G3BP1: variants seen among roughly 807,000 people sequenced by gnomAD.
G3BP1 encodes the protein G3BP stress granule assembly factor 1, also known as ras GTPase-activating protein-binding protein 1.
G3BP1 carries 35 observed loss-of-function variants against 58.6 expected under a neutral mutation model. The observed-to-expected ratio is 0.60, with a 90% confidence interval of 0.46 to 0.79. The LOEUF (loss-of-function observed/expected upper bound fraction) is 0.79. G3BP1 is among the 30% of genes least tolerant of loss of function. The pLI is 0.00. For synonymous variants in G3BP1, 191 were observed against 195.4 expected (o/e 0.98, Z 0.19); for missense variants, 523 against 580.8 (o/e 0.90, Z 1.02).
chr5:151,783,963 A>G (rs1454260425), intron 1 of G3BP1, among the ~76,000 whole-genome samples: 2 of 152,186 alleles, frequency 1.3e-5, no homozygotes, highest in South Asian at 2.1e-4. Context: ...GGGCTTCACC[A>G]TGTTGGCCAG....
chr5:151,802,328 G>A (rs1762869139), intron 11 of G3BP1, among the ~76,000 whole-genome samples: 1 of 152,218 alleles, frequency 6.6e-6, no homozygotes, highest in Admixed American at 6.5e-5. Context: ...CATTCAGCAT[G>A]TATTAGGCCT....
At chr5:151,788,596 G>GTGTA (rs1762593882) in intron 2 of G3BP1, among the ~76,000 whole-genome samples, 1 of 150,066 alleles carries the variant, frequency 6.7e-6, no homozygotes, top group Admixed American at 6.7e-5. Context: ...GTGTGTGTGT[G>GTGTA]TGTGTGTGTG....
At position 151,786,680 on chromosome 5, in the gene G3BP1, C is replaced by T. The variant is rs1407716007; in HGVS notation, c.60C>T (p.Tyr20=). Residue 20 remains tyrosine, a synonymous_variant, in exon 2 of 12, where the codon TAC becomes TAT. Coordinates refer to ENST00000356245, the MANE Select transcript of G3BP1 (RefSeq NM_005754.3). ...LVGREFVRQY[Y]TLLNQAPDML... ...GGCGGGAATTTGTGAGACAGTATTACACACTGCTGAACCAGGCCCCAGACA... is the reference window on the plus strand; with the variant it reads ...GGCGGGAATTTGTGAGACAGTATTATACACTGCTGAACCAGGCCCCAGACA... The T allele has an allele frequency of 6.2e-7, 1 of 1,612,614 alleles. No homozygotes were observed. The highest frequency in any genetic ancestry group is 1.1e-5 in the South Asian group (1 of 91,060).
At chr5:151,775,341 AT>A (rs1366848344) in intron 1 of G3BP1, among the ~76,000 whole-genome samples, 1 of 152,224 alleles carries the variant, frequency 6.6e-6, no homozygotes, top group African/African-American at 2.4e-5. Context: ...ATCATTATGT[AT>A]TTGTGTAACC....
chr5:151,778,881 C>G (rs931229390), intron 1 of G3BP1, among the ~76,000 whole-genome samples: 1 of 151,672 alleles, frequency 6.6e-6, no homozygotes, highest in African/African-American at 2.4e-5. Flanking sequence ...ACATGGTGAA[C>G]CCTCATCTCT....
chr5:151,780,025 T>G (rs1312019567), intron 1 of G3BP1, among the ~76,000 whole-genome samples: 1 of 152,246 alleles, frequency 6.6e-6, no homozygotes, highest in Non-Finnish European at 1.5e-5. Flanking sequence ...AGTGCAAAAT[T>G]GTTCTCCACT....
intron 4 of G3BP1, chr5:151,791,393 A>G (rs887807500): frequency 3.3e-5 from 6 of 181,986 alleles, no homozygotes; most frequent in Non-Finnish European, 4.7e-5. Context: ...ATGTCTTAAC[A>G]GTAATTTTTT....
Position 151,811,592 on chromosome 5 carries a change from A to G in G3BP1, c.*7501A>G, listed in dbSNP as rs1340183488. ...ATACTTTTATATACATGTTTCACAG[A>G]AATTTTACATTCCATCTTCAAACTG... On this transcript the variant is annotated 3_prime_UTR_variant, in exon 12 of 12. Transcript: ENST00000356245. The G allele has an allele frequency of 6.6e-6, 1 of 152,166 alleles. No homozygotes were observed. The highest frequency in any genetic ancestry group is 2.4e-5 in the African/African-American group (1 of 41,440). The allele number at this position is 152,166 out of a possible 1,614,324, so 9.4% of individuals were successfully genotyped here.
chr5:151,776,309 G>C (rs1250133242), intron 1 of G3BP1, among the ~76,000 whole-genome samples: 2 of 152,156 alleles, frequency 1.3e-5, no homozygotes, highest in Non-Finnish European at 2.9e-5. Context: ...GGTGGTATCT[G>C]TCAGGTTAGT....
At chr5:151,780,081 CT>C (rs1374682959) in intron 1 of G3BP1, among the ~76,000 whole-genome samples, 1 of 151,960 alleles carries the variant, frequency 6.6e-6, no homozygotes, top group Non-Finnish European at 1.5e-5. Flanking sequence ...CCTGTAGGCT[CT>C]TTTTTTTACT....
At position 151,771,983 on chromosome 5, in the gene G3BP1, A is replaced by G. The variant is rs2915874; in HGVS notation, c.-103A>G. ...GGACGCAGTTGCGTGAGGGGTTTGT[A>G]CTATCCTCGGTGCTGTGGTGCAGAG... On this transcript the variant is annotated 5_prime_UTR_variant, in exon 1 of 12. Coordinates refer to ENST00000356245, the MANE Select transcript of G3BP1 (RefSeq NM_005754.3). The G allele has an allele frequency of 0.41, 63,154 of 152,396 alleles. 13,216 individuals are homozygous for G. Among genetic ancestry groups the G allele is most frequent in the South Asian group, 0.47 (2,257 of 4,824 alleles). The allele number at this position is 152,396 out of a possible 1,614,324, so 9.4% of individuals were successfully genotyped here.
intron 7 of G3BP1, among the ~76,000 whole-genome samples, chr5:151,797,827 T>G (rs941990072): frequency 6.6e-6 from 1 of 152,258 alleles, no homozygotes; most frequent in Non-Finnish European, 1.5e-5. Context: ...CTATGAAATT[T>G]TATTGAAGAT....
chr5:151,790,715 C>T (rs1033483295), intron 3 of G3BP1, among the ~76,000 whole-genome samples, 174 bp from the exon 4 acceptor site: 2 of 152,056 alleles, frequency 1.3e-5, no homozygotes, highest in East Asian at 1.9e-4. Flanking sequence ...AAAACTCAAG[C>T]GCGGTCACTG....
At chr5:151,786,354 T>C (rs1449290428) in intron 1 of G3BP1, among the ~76,000 whole-genome samples, 1 of 152,214 alleles carries the variant, frequency 6.6e-6, no homozygotes, top group Non-Finnish European at 1.5e-5. Context: ...TTCTTACGTC[T>C]TGAATATTGG....
intron 2 of G3BP1, chr5:151,787,429 A>C (rs1762571262): frequency 6.6e-6 from 1 of 152,238 alleles, no homozygotes; most frequent in African/African-American, 2.4e-5. Context: ...ACACAGATAA[A>C]TTATGAAAGT....
rs1355010646 is a variant in G3BP1, at chr5:151,802,066, C to G, written c.1194+1197C>G. Among the ~76,000 whole-genome samples, 6 of 152,204 alleles carry G rather than the reference C, an allele frequency of 3.9e-5. No homozygotes were observed. In the East Asian group the frequency reaches 1.2e-3, roughly 29 times the overall value. The stretch of plus-strand genomic sequence containing the variant: ...TCCTGACCTCAGGTGATCCGCTGAC[C>G]TTGGCCTCCCAAAGTGCTGGGATTA... On this transcript the variant is annotated intron_variant, in intron 11 of 11. Transcript: ENST00000356245.
chr5:151,776,830 G>A (rs560060991), intron 1 of G3BP1, among the ~76,000 whole-genome samples: 2 of 150,148 alleles, frequency 1.3e-5, no homozygotes, highest in South Asian at 4.2e-4. Flanking sequence ...GCCTCTCAAA[G>A]TGCTGGGATT....
rs757260735 is a variant in G3BP1 at position 151,790,353 on chromosome 5, T to C, written c.126T>C (p.His42=). 8 of 1,577,344 alleles carry C rather than the reference T, an allele frequency of 5.1e-6. No homozygotes were observed. The highest frequency in any genetic ancestry group is 6.9e-6 in the Non-Finnish European group (8 of 1,159,572). Residue 42 remains histidine (H), a synonymous_variant, in exon 3 of 12, where the codon CAT becomes CAC. Coordinates refer to ENST00000356245, the MANE Select transcript of G3BP1 (RefSeq NM_005754.3). ...RFYGKNSSYV[H]GGLDSNGKPA... is the part of the protein sequence containing the mutation. ...ATGGAAAGAACTCTTCTTATGTCCA[T>C]GGGGGATTGGATTCAAATGGAAAGC...
intron 1 of G3BP1, among the ~76,000 whole-genome samples, chr5:151,777,294 T>C (rs112111986): frequency 1.8e-3 from 269 of 152,302 alleles, no homozygotes; most frequent in Middle Eastern, 0.01. Context: ...TTTACAAAAA[T>C]TTAATATATT....
Sources: gnomAD v4.1 joint callset for allele counts (sites outside exome capture counted in the v4.1 genomes callset) on GRCh38, gnomAD v4.1.1 for gene constraint, MANE v1.5 for transcripts, NCBI Gene and HGNC (gene_info 2026-07-23, HGNC 2026-07-21) for gene names.